ZEB1: variants seen among roughly 807,000 people sequenced by gnomAD.
ZEB1 encodes the protein zinc finger E-box-binding homeobox 1.
Under a neutral mutation model 84.9 loss-of-function variants are expected in ZEB1, and 21 were observed. The ratio of observed to expected loss-of-function variants is 0.25; its 90% CI spans 0.18 to 0.36. The LOEUF is 0.36. ZEB1 is among the 10% of genes least tolerant of loss of function. ZEB1 has a pLI of 1.00. For missense variants in ZEB1, 1,104 were observed against 1,330.2 expected (o/e 0.83, Z 2.65); for synonymous variants, 420 against 471.1 (o/e 0.89, Z 1.41).
intron 2 of ZEB1, among the ~76,000 whole-genome samples, chr10:31,490,260 CATT>C (rs1300622606): frequency 1.3e-5 from 2 of 151,420 alleles, no homozygotes; most frequent in Non-Finnish European, 3.0e-5. Flanking sequence ...AATTTTTAAA[CATT>C]ATTCAGTTTT....
At chr10:31,347,157 A>G in intron 1 of ZEB1, among the ~76,000 whole-genome samples, 1 of 152,112 alleles carries the variant, frequency 6.6e-6, no homozygotes, top group Non-Finnish European at 1.5e-5. Flanking sequence ...TTTCTTCCCT[A>G]TGAGGAAGAA....
At chr10:31,372,476 G>GT (rs1404144592) in intron 1 of ZEB1, among the ~76,000 whole-genome samples, 1 of 151,902 alleles carries the variant, frequency 6.6e-6, no homozygotes, top group African/African-American at 2.4e-5. Flanking sequence ...ACCTAAATTG[G>GT]TACAGAAAAG....
At chr10:31,320,350 G>C (rs2033590727) in intron 1 of ZEB1, 1 of 152,256 alleles carries the variant, frequency 6.6e-6, no homozygotes, top group Non-Finnish European at 1.5e-5. Flanking sequence ...TCTCTGCGCC[G>C]GGATGGGCCG....
chr10:31,362,845 C>T lies in ZEB1; in HGVS notation c.58+43553C>T, dbSNP rs745959084. 3 of 1,111,122 alleles carry T rather than the reference C, an allele frequency of 2.7e-6. No homozygotes were observed. In the South Asian group the frequency reaches 4.0e-5, roughly 15 times the overall value. 68.8% of individuals were successfully genotyped at this position (1,111,122 alleles called of 1,614,324 possible). On this transcript the variant is annotated intron_variant, in intron 1 of 8. Transcript: ENST00000424869. Reference sequence around the variant, plus strand: ...CCTGCCCTGCCGTGTCTTCTTTCTCCTCCTAAGCAACTGTCTTAGTCTCCT... The same window carrying T: ...CCTGCCCTGCCGTGTCTTCTTTCTCTTCCTAAGCAACTGTCTTAGTCTCCT...
chr10:31,416,661 A>G (rs1489372180), intron 1 of ZEB1, among the ~76,000 whole-genome samples: 2 of 152,172 alleles, frequency 1.3e-5, no homozygotes, highest in African/African-American at 4.8e-5. Context: ...TAAAGATATT[A>G]CAATGTACCT....
chr10:31,391,429 G>A (rs2049703620), intron 1 of ZEB1, among the ~76,000 whole-genome samples: 2 of 152,162 alleles, frequency 1.3e-5, no homozygotes, highest in Non-Finnish European at 1.5e-5. Flanking sequence ...TGGTGGTGAT[G>A]GTGGAGTTGG....
At chr10:31,511,240 AT>A (rs2069942675) in intron 5 of ZEB1, among the ~76,000 whole-genome samples, 2 of 152,208 alleles carry the variant, frequency 1.3e-5, no homozygotes, top group Non-Finnish European at 2.9e-5. Context: ...TATAAACCAC[AT>A]TATACTAACC....
chr10:31,320,077 C>G (rs923524631), intron 1 of ZEB1: 1 of 151,460 alleles, frequency 6.6e-6, no homozygotes, highest in African/African-American at 2.4e-5. Context: ...GGTCCCTAAG[C>G]GCCCCTCCTC....
intron 2 of ZEB1, among the ~76,000 whole-genome samples, chr10:31,464,347 T>C (rs1374761781): frequency 1.3e-5 from 2 of 151,784 alleles, no homozygotes; most frequent in Admixed American, 6.6e-5. Context: ...AGTAAGACTC[T>C]ATCTCAGAAA....
At chr10:31,373,656 A>G (rs1404281019) in intron 1 of ZEB1, among the ~76,000 whole-genome samples, 1 of 151,844 alleles carries the variant, frequency 6.6e-6, no homozygotes, top group East Asian at 1.9e-4. Flanking sequence ...ATATCATATG[A>G]CAAAATCCAT....
At chr10:31,417,504 A>C (rs1183232305) in intron 1 of ZEB1, among the ~76,000 whole-genome samples, 4 of 152,092 alleles carry the variant, frequency 2.6e-5, no homozygotes, top group Admixed American at 2.0e-4. Flanking sequence ...AACAACACTA[A>C]GCACTCTTTA....
chr10:31,418,701 G>T (rs2055636379), intron 1 of ZEB1, among the ~76,000 whole-genome samples: 1 of 152,014 alleles, frequency 6.6e-6, no homozygotes, highest in African/African-American at 2.4e-5. Flanking sequence ...GTTACTAACT[G>T]GGGCTTTGTG....
intron 1 of ZEB1, chr10:31,321,052 A>C (rs916289171): frequency 3.6e-5 from 27 of 745,514 alleles, no homozygotes; most frequent in Non-Finnish European, 4.5e-5. Context: ...GGACCGCTGC[A>C]GCGTCGAGAA....
At position 31,486,841 on chromosome 10, in the gene ZEB1, T is replaced by C. The variant is rs1286043781; in HGVS notation, c.260-8935T>C. 2.6e-5 allele frequency among the ~76,000 whole-genome samples: 4 copies of C among 151,646 alleles called. 1 individual carries two copies. Among genetic ancestry groups the C allele is most frequent in the Admixed American group, 2.0e-4 (3 of 15,170 alleles). On this transcript the variant is annotated intron_variant, in intron 2 of 8. Coordinates refer to ENST00000424869, the MANE Select transcript of ZEB1 (RefSeq NM_001174096.2). Reference sequence around the variant, plus strand: ...ATGATTTTCATCATGCTTGGTGTCATGTGCAGGAACTCTGCTTAACTCCAG... The same window carrying C: ...ATGATTTTCATCATGCTTGGTGTCACGTGCAGGAACTCTGCTTAACTCCAG...
intron 1 of ZEB1, among the ~76,000 whole-genome samples, chr10:31,454,054 A>T (rs908993475): frequency 6.6e-6 from 1 of 152,204 alleles, no homozygotes; most frequent in Admixed American, 6.5e-5. Flanking sequence ...CAAAAAGCTT[A>T]TCCACCACGA....
chr10:31,459,830 AGTGTGTGTGTGTGTGTGTGT>A (rs3086581), intron 1 of ZEB1, among the ~76,000 whole-genome samples: 183 of 129,902 alleles, frequency 1.4e-3, no homozygotes, highest in African/African-American at 4.2e-3. Flanking sequence ...TGTTCTCAGG[AGTGTGTGTGTGTGTGTGTGT>A]GTGTGTGTGT....
chr10:31,405,866 C>T (rs900362602), intron 1 of ZEB1, among the ~76,000 whole-genome samples: 1 of 152,072 alleles, frequency 6.6e-6, no homozygotes, highest in Non-Finnish European at 1.5e-5. Flanking sequence ...CTCAACAGGC[C>T]CCAGTGTGTG....
intron 1 of ZEB1, among the ~76,000 whole-genome samples, chr10:31,362,316 C>T (rs969522387): frequency 1.3e-5 from 2 of 151,324 alleles, no homozygotes; most frequent in African/African-American, 4.9e-5. Flanking sequence ...CCTCACTTCC[C>T]GGACGGGGCG....
At chr10:31,447,611 T>C (rs984552966) in intron 1 of ZEB1, among the ~76,000 whole-genome samples, 17 of 139,716 alleles carry the variant, frequency 1.2e-4, no homozygotes, top group Non-Finnish European at 2.4e-4. Context: ...GCAGGCCTGC[T>C]GGTGACAAAA....
Sources: allele counts gnomAD v4.1 joint callset (sites outside exome capture counted in the v4.1 genomes callset), GRCh38; gene constraint gnomAD v4.1.1; transcripts MANE v1.5; gene names NCBI Gene and HGNC (gene_info 2026-07-23, HGNC 2026-07-21).